The following MET variants were observed in gnomAD, a reference collection of about 807,000 sequenced individuals.
The protein encoded by MET is hepatocyte growth factor receptor.
A neutral mutation model predicts 133.1 loss-of-function variants in MET; 48 were observed. The ratio of observed to expected loss-of-function variants is 0.36; its 90% CI spans 0.29 to 0.46. The LOEUF (loss-of-function observed/expected upper bound fraction) is 0.46, where lower values mean the gene tolerates loss of function less well. Among genes scored for constraint, MET ranks in the 20% least tolerant of loss-of-function variants. The pLI is 1.00. For synonymous variants in MET, 628 were observed against 616.5 expected, an observed-to-expected ratio of 1.02 and a Z score of -0.28; for missense variants, 1,442 against 1,695.9, an observed-to-expected ratio of 0.85 and a Z score of 2.63.
At chr7:116,728,736 A>T (rs1239970077) in intron 2 of MET, among the ~76,000 whole-genome samples, 4 of 152,166 alleles carry the variant, frequency 2.6e-5, no homozygotes, top group Non-Finnish European at 5.9e-5. Flanking sequence ...GGTCCTGGGG[A>T]TAAAAGATGA....
intron 1 of MET, among the ~76,000 whole-genome samples, chr7:116,686,588 C>T (rs1022695914): frequency 2.0e-5 from 3 of 152,192 alleles, no homozygotes; most frequent in Non-Finnish European, 2.9e-5. Flanking sequence ...GTATCCCAAG[C>T]ATCTGATGCA....
intron 5 of MET, among the ~76,000 whole-genome samples, chr7:116,749,139 C>G (rs964266757): frequency 6.6e-6 from 1 of 152,206 alleles, no homozygotes; most frequent in Admixed American, 6.5e-5. Context: ...CAAAACCAGA[C>G]AGAGACACAA....
chr7:116,709,476 C>T (rs933745986), intron 2 of MET, among the ~76,000 whole-genome samples: 2 of 152,096 alleles, frequency 1.3e-5, no homozygotes, highest in African/African-American at 4.8e-5. Context: ...TCTTTACAGA[C>T]CAGGAAGATT....
At chr7:116,720,410 A>G (rs1275911637) in intron 2 of MET, among the ~76,000 whole-genome samples, 3 of 144,322 alleles carry the variant, frequency 2.1e-5, no homozygotes, top group South Asian at 4.6e-4. Flanking sequence ...TTTTCTAGAT[A>G]TACAATCATG....
Position 116,796,318 on chromosome 7 carries a change from C to T in MET, c.*194C>T, listed in dbSNP as rs1038825040. Reference sequence around the variant, plus strand: ...CATCAGAACCAGAGGCTTGGTCCCACAGGCCACGGACCAATGGCCTGCAGC... The same window carrying T: ...CATCAGAACCAGAGGCTTGGTCCCATAGGCCACGGACCAATGGCCTGCAGC... On this transcript the variant is annotated 3_prime_UTR_variant, in exon 21 of 21. Transcript: ENST00000397752. 1.4e-5 allele frequency: 9 copies of T among 630,318 alleles called. No individual in the cohort carries two copies. Among genetic ancestry groups the T allele is most frequent in the Middle Eastern group, 4.3e-4 (1 of 2,320 alleles). The allele number at this position is 630,318 out of a possible 1,614,324, so 39.0% of individuals were successfully genotyped here. A position where few individuals can be genotyped will look rare whatever the true frequency, so the allele number is the denominator to read the frequency against.
chr7:116,767,572 T>C (rs1794672187), intron 11 of MET, among the ~76,000 whole-genome samples: 1 of 151,904 alleles, frequency 6.6e-6, no homozygotes, highest in Admixed American at 6.6e-5. Flanking sequence ...TCAGGGGGAG[T>C]ATCTTTGCAG....
At chr7:116,745,756 T>G (rs1404642938) in intron 5 of MET, among the ~76,000 whole-genome samples, 1 of 152,224 alleles carries the variant, frequency 6.6e-6, no homozygotes, top group African/African-American at 2.4e-5. Flanking sequence ...GATCCCTTCC[T>G]TACACCTTAT....
chr7:116,754,041 G>A (rs1205693447), intron 5 of MET, among the ~76,000 whole-genome samples: 5 of 152,092 alleles, frequency 3.3e-5, no homozygotes, highest in Non-Finnish European at 2.9e-5. Context: ...AGGCTGAGGC[G>A]GGAGGATTGC....
chr7:116,765,382 G>A (rs907816733), intron 11 of MET, among the ~76,000 whole-genome samples: 1 of 151,910 alleles, frequency 6.6e-6, no homozygotes, highest in Non-Finnish European at 1.5e-5. Context: ...TTATTGCCAG[G>A]AAGATTTCAT....
rs200074800 is a variant in MET at position 116,700,123 on chromosome 7, G to T, written c.1039G>T (p.Ala347Ser). ...TGATGACATTCTTTTCGGGGTGTTC[G>T]CACAAAGCAAGCCAGATTCTGCCGA... ...LNDDILFGVF[A>S]QSKPDSAEPM... Residue 347 changes from alanine to serine, a missense_variant, in exon 2 of 21, where the codon GCA becomes TCA. Ala to Ser is a moderately conservative substitution (Grantham distance 99). This residue lies in a region of MET where 762 missense variants were observed against 792.4 expected (regional missense o/e 0.96). Transcript: ENST00000397752. 1.2e-6 allele frequency: 2 copies of T among 1,605,066 alleles called. No homozygotes were observed. Among genetic ancestry groups the T allele is most frequent in the South Asian group, 1.1e-5 (1 of 89,236 alleles).
intron 12 of MET, 98 bp from the exon 13 acceptor site, chr7:116,771,400 A>G: frequency 2.2e-6 from 3 of 1,368,958 alleles, no homozygotes; most frequent in East Asian, 4.6e-5. Flanking sequence ...TAGAATGGTA[A>G]TAACCAGTTG....
chr7:116,785,791 A>G (rs1795293285), intron 19 of MET, among the ~76,000 whole-genome samples: 1 of 152,224 alleles, frequency 6.6e-6, no homozygotes, highest in Non-Finnish European at 1.5e-5. Context: ...AGTATTTACC[A>G]AGGAATTGAT....
At chr7:116,739,835 G>C in intron 3 of MET, 115 bp from the exon 4 acceptor site, 2 of 1,471,004 alleles carry the variant, frequency 1.4e-6, no homozygotes, top group South Asian at 1.1e-5. Context: ...TGGGTCTTCA[G>C]TTCAAACACC....
rs1554398378 is a variant in MET at position 116,771,890 on chromosome 7, A to G, written c.2929A>G (p.Thr977Ala). Residue 977 changes from threonine to alanine, a missense_variant, in exon 14 of 21, where the codon ACT (threonine) becomes GCT (alanine). Thr to Ala is a moderately conservative substitution (Grantham distance 58). Around this residue, in one of 6 missense-constraint regions of MET, gnomAD observed 514 missense variants for 659.6 expected, o/e 0.78. Transcript: ENST00000397752. ...ELVRYDARVH[T>A]PHLDRLVSAR... ...AGTTCGCTACGATGCAAGAGTACAC[A>G]CTCCTCATTTGGATAGGCTTGTAAG... The G allele has an allele frequency of 2.5e-6, 4 of 1,613,722 alleles. No homozygotes were observed. The highest frequency in any genetic ancestry group is 3.4e-6 in the Non-Finnish European group (4 of 1,179,854).
chr7:116,704,639 TA>T (rs35487584), intron 2 of MET, among the ~76,000 whole-genome samples: 36,533 of 151,818 alleles, frequency 0.24, 4,481 homozygotes, highest in East Asian at 0.34. Flanking sequence ...TTCTTAAGAT[TA>T]TAATAGTTCC....
At chr7:116,679,579 C>T (rs1277795347) in intron 1 of MET, among the ~76,000 whole-genome samples, 1 of 152,114 alleles carries the variant, frequency 6.6e-6, no homozygotes, top group East Asian at 1.9e-4. Flanking sequence ...GGGCAGGTCG[C>T]TTGTATGTAT....
Position 116,769,890 on chromosome 7 carries a change from G to C in MET, c.2730+99G>C, listed in dbSNP as rs1001974556. ...AAATCATTAAAGCTCATTTATGTGT[G>C]GGTTTTGGCTCATCAACTCAGCCTG... On this transcript the variant is annotated intron_variant, in intron 12 of 20. Transcript: ENST00000397752. 28 of 1,550,826 alleles carry C rather than the reference G, an allele frequency of 1.8e-5. No individual in the cohort carries two copies. In the African/African-American group the frequency reaches 3.5e-4, roughly 20 times the overall value.
chr7:116,789,500 A>G (rs775859892), intron 19 of MET, among the ~76,000 whole-genome samples: 4 of 152,210 alleles, frequency 2.6e-5, no homozygotes, highest in Non-Finnish European at 5.9e-5. Context: ...CACCCCAACA[A>G]TCAGGACATA....
Position 116,723,319 on chromosome 7 carries a change from G to T in MET, c.1201-8349G>T, listed in dbSNP as rs1477100442. Among the ~76,000 whole-genome samples, 5 of 145,856 alleles carry T rather than the reference G, an allele frequency of 3.4e-5. No individual in the cohort carries two copies. In the East Asian group the frequency reaches 1.0e-3, roughly 30 times the overall value. ...TTCTTCACGTAGTTCTCGAGCCTTG[G>T]TTTTCAGCTCCATCAGCTCCTTTAA... On this transcript the variant is annotated intron_variant, in intron 2 of 20. Coordinates refer to ENST00000397752, the MANE Select transcript of MET (RefSeq NM_000245.4).
Sources: gnomAD v4.1 joint callset for allele counts (sites outside exome capture counted in the v4.1 genomes callset) on GRCh38, gnomAD v4.1.1 for gene constraint, gnomAD v4.1.1 regional missense constraint, MANE v1.5 for transcripts, NCBI Gene and HGNC (gene_info 2026-07-23, HGNC 2026-07-21) for gene names.